Variants in RPS6KA5 observed in about 807,000 individuals in gnomAD.
RPS6KA5 encodes the protein ribosomal protein S6 kinase alpha-5.
RPS6KA5 carries 27 observed loss-of-function variants against 85.5 expected under a neutral mutation model. The observed-to-expected ratio is 0.32, with a 90% CI of 0.23 to 0.44. RPS6KA5 has a LOEUF of 0.44. RPS6KA5 is among the 20% of genes least tolerant of loss of function. RPS6KA5 has a pLI of 1.00. For synonymous variants in RPS6KA5, 334 were observed against 348.2 expected, an observed-to-expected ratio of 0.96 and a Z score of 0.46; for missense variants, 811 against 980.9, an observed-to-expected ratio of 0.83 and a Z score of 2.31.
intron 2 of RPS6KA5, among the ~76,000 whole-genome samples, chr14:90,998,914 G>A (rs922475397): frequency 1.3e-5 from 2 of 152,330 alleles, no homozygotes; most frequent in South Asian, 2.1e-4. Context: ...ATGACCTAAA[G>A]ACAGCTTACA....
chr14:91,060,202 C>G (rs1280587995), intron 1 of RPS6KA5, 130 bp downstream of exon 1: 3 of 961,896 alleles, frequency 3.1e-6, no homozygotes, highest in Non-Finnish European at 3.7e-6. Context: ...CCGACCGCGA[C>G]GCCCCGCCCC....
At chr14:90,967,847 A>G (rs1339503230) in intron 3 of RPS6KA5, among the ~76,000 whole-genome samples, 2 of 152,192 alleles carry the variant, frequency 1.3e-5, no homozygotes, top group Non-Finnish European at 1.5e-5. Context: ...AATTTCTCCC[A>G]TTTTAAAACA....
intron 7 of RPS6KA5, among the ~76,000 whole-genome samples, chr14:90,919,269 A>G (rs2036277634): frequency 6.6e-6 from 1 of 152,192 alleles, no homozygotes; most frequent in Non-Finnish European, 1.5e-5. Context: ...TGGGGCAATC[A>G]TAGGGCTCAC....
At position 90,863,582 on chromosome 14, in the gene RPS6KA5, T is replaced by G. The variant is rs577197621; in HGVS notation, c.*8492A>C. The G allele has an allele frequency of 9.9e-4, 150 of 152,038 alleles. No homozygotes were observed. The highest frequency in any genetic ancestry group is 3.4e-3 in the African/African-American group (140 of 41,546). 9.4% of individuals were successfully genotyped at this position (152,038 alleles called of 1,614,324 possible). On this transcript the variant is annotated 3_prime_UTR_variant, in exon 17 of 17. Transcript: ENST00000614987. ...ACAGATTAGAATTAAAAAGTGAATT[T>G]AACAAGGTTTCTAAGTGAAAGGGTA... is the stretch of plus-strand genomic sequence containing the variant.
At chr14:90,921,946 A>G (rs2140294635) in intron 6 of RPS6KA5, among the ~76,000 whole-genome samples, 1 of 152,338 alleles carries the variant, frequency 6.6e-6, no homozygotes, top group Admixed American at 6.5e-5. Context: ...AAAAAAAACC[A>G]TGACCTAGAT....
Position 91,015,547 on chromosome 14 carries a change from A to T in RPS6KA5, c.104-14388T>A, listed in dbSNP as rs1595476230. The stretch of plus-strand genomic sequence containing the variant: ...ATTTCAATTTGATGTAAGAAAATAT[A>T]GCAGCACTTTGTTCCTCCTAAGTCA... On this transcript the variant is annotated intron_variant, in intron 1 of 16. Transcript: ENST00000614987. Among the ~76,000 whole-genome samples the T allele has an allele frequency of 2.0e-5, 3 of 152,352 alleles. No homozygotes were observed. The South Asian group carries it at 6.2e-4, about 32-fold the overall frequency.
chr14:91,059,945 CAA>C, intron 1 of RPS6KA5: 3 of 823,972 alleles, frequency 3.6e-6, no homozygotes, highest in Non-Finnish European at 4.4e-6. Flanking sequence ...CTCTCCAAAA[CAA>C]AGCGCCGCTC....
At chr14:91,016,390 TG>T (rs1376289076) in intron 1 of RPS6KA5, among the ~76,000 whole-genome samples, 1 of 152,210 alleles carries the variant, frequency 6.6e-6, no homozygotes, top group African/African-American at 2.4e-5. Context: ...AATGCAAAGT[TG>T]CCAAAATAAG....
intron 2 of RPS6KA5, among the ~76,000 whole-genome samples, chr14:90,996,180 ATTTGTTTTT>A (rs1464572678): frequency 8.6e-5 from 13 of 151,316 alleles, no homozygotes; most frequent in African/African-American, 2.2e-4. Context: ...GCCCAGGCTA[ATTTGTTTTT>A]TTTGTTTTTT....
chr14:90,996,025 A>G (rs2040501891), intron 2 of RPS6KA5, among the ~76,000 whole-genome samples: 1 of 152,082 alleles, frequency 6.6e-6, no homozygotes, highest in Admixed American at 6.5e-5. Flanking sequence ...GTTCAAAACT[A>G]TAGTGAGACA....
At chr14:90,887,449 C>T (rs1171178241) in intron 14 of RPS6KA5, among the ~76,000 whole-genome samples, 16 of 151,952 alleles carry the variant, frequency 1.1e-4, no homozygotes, top group South Asian at 4.1e-4. Flanking sequence ...CTTGGCCTCC[C>T]GAAGTGCTGG....
chr14:90,951,868 C>T (rs1351138874), intron 3 of RPS6KA5, among the ~76,000 whole-genome samples: 1 of 152,170 alleles, frequency 6.6e-6, no homozygotes, highest in Admixed American at 6.5e-5. Context: ...GTCCGGACTG[C>T]GAGTATGGGA....
rs368183998 is a variant in RPS6KA5, at chr14:90,955,903, G to A, written c.395-8353C>T. Among the ~76,000 whole-genome samples the A allele has an allele frequency of 4.6e-5, 7 of 152,012 alleles. No homozygotes were observed. The South Asian group carries it at 1.0e-3, about 23-fold the overall frequency. ...GATCTATGTTGTTAGGTACATCCAC[G>A]TTAGGCTCTATATTGTTAGGCCCTT... On this transcript the variant is annotated intron_variant, in intron 3 of 16. Coordinates refer to ENST00000614987, the MANE Select transcript of RPS6KA5 (RefSeq NM_004755.4).
intron 14 of RPS6KA5, among the ~76,000 whole-genome samples, chr14:90,879,675 G>A (rs1306663927): frequency 6.6e-6 from 1 of 152,048 alleles, no homozygotes; most frequent in Non-Finnish European, 1.5e-5. Context: ...CCTCAGTCCT[G>A]CACCCTTGGG....
Position 91,004,259 on chromosome 14 carries a change from G to C in RPS6KA5, c.104-3100C>G, listed in dbSNP as rs144481642. ...CGCCACCACGCCCGGCTAATTTTTT[G>C]TATTTTTAGTAGAGACCGGGTTTCA... On this transcript the variant is annotated intron_variant, in intron 1 of 16. Coordinates refer to ENST00000614987, the MANE Select transcript of RPS6KA5 (RefSeq NM_004755.4). Among the ~76,000 whole-genome samples, 510 of 152,170 alleles carry C rather than the reference G, an allele frequency of 3.4e-3. 4 individuals are homozygous for C. Among genetic ancestry groups the C allele is most frequent in the African/African-American group, 0.011 (471 of 41,526 alleles).
intron 6 of RPS6KA5, 60 bp from the exon 7 acceptor site, chr14:90,920,369 G>GA (rs1371785959): frequency 1.7e-6 from 2 of 1,159,442 alleles, no homozygotes; most frequent in Non-Finnish European, 2.5e-6. Flanking sequence ...TTATAAGAAA[G>GA]AAAAAATGAA....
At chr14:90,986,826 T>G (rs1026616501) in intron 2 of RPS6KA5, among the ~76,000 whole-genome samples, 14 of 152,200 alleles carry the variant, frequency 9.2e-5, no homozygotes, top group African/African-American at 3.4e-4. Flanking sequence ...AAACTTCCCA[T>G]GAGTCCAGGC....
intron 2 of RPS6KA5, among the ~76,000 whole-genome samples, chr14:90,996,042 C>T (rs2040503705): frequency 6.6e-6 from 1 of 152,164 alleles, no homozygotes; most frequent in Non-Finnish European, 1.5e-5. Context: ...GACAGGGTCT[C>T]GCTCTATCTC....
At position 90,863,692 on chromosome 14, in the gene RPS6KA5, C is replaced by T. The variant is rs1043401320; in HGVS notation, c.*8382G>A. Reference sequence around the variant, plus strand: ...AACTGTCAAAAACCTAGATATAAATCTAACCTCTACATGTAAATCTATAAA... The same window carrying T: ...AACTGTCAAAAACCTAGATATAAATTTAACCTCTACATGTAAATCTATAAA... On this transcript the variant is annotated 3_prime_UTR_variant, in exon 17 of 17. Transcript: ENST00000614987. The T allele has an allele frequency of 6.6e-6, 1 of 152,060 alleles. No individual in the cohort carries two copies. The highest frequency in any genetic ancestry group is 1.5e-5 in the Non-Finnish European group (1 of 68,000). 9.4% of individuals were successfully genotyped at this position (152,060 alleles called of 1,614,324 possible). A position where few individuals can be genotyped will look rare whatever the true frequency, so the allele number is the denominator to read the frequency against.
Sources: allele counts gnomAD v4.1 joint callset (sites outside exome capture counted in the v4.1 genomes callset), GRCh38; gene constraint gnomAD v4.1.1; transcripts MANE v1.5; gene names NCBI Gene and HGNC (gene_info 2026-07-23, HGNC 2026-07-21).